Variants in ZMAT1 observed in about 807,000 individuals in gnomAD.
The protein encoded by ZMAT1 is zinc finger matrin-type 1, also known as zinc finger matrin-type protein 1.
ZMAT1 carries 11 observed loss-of-function variants against 18.5 expected under a neutral mutation model. The observed-to-expected ratio is 0.59, with a 90% CI of 0.37 to 0.98. ZMAT1 has a LOEUF of 0.98. Among genes scored for constraint, ZMAT1 ranks in the 50% least tolerant of loss-of-function variants. The pLI, the probability that ZMAT1 is intolerant of heterozygous loss-of-function variation, is 0.01. For missense variants in ZMAT1, 525 were observed against 496.2 expected (o/e 1.06, Z -0.55); for synonymous variants, 211 against 176.4 (o/e 1.20, Z -1.55).
At position 101,904,279 on chromosome X, in the gene ZMAT1, C is replaced by A. The variant is rs1426767731; in HGVS notation, c.344G>T (p.Cys115Phe). 1 of 1,208,257 alleles carries A rather than the reference C, an allele frequency of 8.3e-7. No individual in the cohort carries two copies. ...CTGTAGCATCACTCCACATACTTGACAAAACTTATCTGTAAAAAGTTCAGC... is the reference window on the plus strand; with the variant it reads ...CTGTAGCATCACTCCACATACTTGAAAAAACTTATCTGTAAAAAGTTCAGC... ...EKAELFTDKF[C>F]QVCGVMLQFE... The change falls in exon 2 of 6, where the codon TGT (cysteine) becomes TTT (phenylalanine). Residue 115 changes from cysteine to phenylalanine, a missense_variant. Transcript: ENST00000651725.
At chrX:101,913,409 A>G (rs1435510468) in intron 1 of ZMAT1, among the ~76,000 whole-genome samples, 1 of 111,610 alleles carries the variant, frequency 9.0e-6, no homozygotes, top group Non-Finnish European at 1.9e-5. Context: ...GAATGGATGA[A>G]AAAACAAGAC....
chrX:101,894,509 A>C, intron 4 of ZMAT1: 1 of 717,184 alleles, frequency 1.4e-6, no homozygotes, highest in Non-Finnish European at 1.7e-6. Context: ...TGAGGCATCC[A>C]GGTGAAGCAG....
At position 101,898,057 on chromosome X, in the gene ZMAT1, A is replaced by G. The variant is rs1927952251; in HGVS notation, c.502-15T>C. On this transcript the variant is annotated splice_polypyrimidine_tract_variant and intron_variant, in intron 3 of 5. Coordinates refer to ENST00000651725, the MANE Select transcript of ZMAT1 (RefSeq NM_001394560.1). ...TACCTATGCACCTGAAATAGGCACAATCTTGTTAGAAAGATTCAATAACTC... is the reference window on the plus strand; with the variant it reads ...TACCTATGCACCTGAAATAGGCACAGTCTTGTTAGAAAGATTCAATAACTC... 8.3e-7 allele frequency: 1 copy of G among 1,210,171 alleles called. No individual in the cohort carries two copies. Among genetic ancestry groups the G allele is most frequent in the Non-Finnish European group, 1.1e-6 (1 of 894,344 alleles).
At chrX:101,899,552 C>T (rs890855520) in intron 2 of ZMAT1, among the ~76,000 whole-genome samples, 8 of 111,831 alleles carry the variant, frequency 7.2e-5, no homozygotes, top group African/African-American at 2.0e-4. Context: ...AGAGAACATA[C>T]GATGTTTGAT....
At chrX:101,915,305 A>G (rs887872035) in intron 1 of ZMAT1, among the ~76,000 whole-genome samples, 5 of 107,363 alleles carry the variant, frequency 4.7e-5, no homozygotes, top group African/African-American at 1.4e-4. Flanking sequence ...CAAAACTGTT[A>G]TTCAGCATAG....
chrX:101,924,471 C>T (rs943390536), intron 1 of ZMAT1, among the ~76,000 whole-genome samples: 1 of 112,030 alleles, frequency 8.9e-6, no homozygotes, highest in Admixed American at 9.5e-5. Flanking sequence ...GGCATGCTCT[C>T]AAGTATGAAG....
intron 1 of ZMAT1, among the ~76,000 whole-genome samples, chrX:101,920,152 C>T (rs1255564325): frequency 9.1e-6 from 1 of 109,622 alleles, no homozygotes; most frequent in Non-Finnish European, 1.9e-5. Flanking sequence ...GATTCTCCCA[C>T]CTCAGCCTCC....
intron 4 of ZMAT1, chrX:101,895,819 G>C (rs1927760638): frequency 2.7e-6 from 2 of 749,565 alleles, no homozygotes; most frequent in Non-Finnish European, 3.1e-6. Flanking sequence ...CCCACCTGTA[G>C]GAGGCTTGAC....
chrX:101,886,809 A>G, intron 4 of ZMAT1, 78 bp from the exon 5 acceptor site: 2 of 687,596 alleles, frequency 2.9e-6, no homozygotes, highest in Non-Finnish European at 4.3e-6. Flanking sequence ...ACTGGACCAA[A>G]AATTTATTAG....
In ZMAT1 at chrX:101,920,424, G is replaced by A. The variant is rs768683658; in HGVS notation, c.292+11293C>T. ...CTTTGACTTTACATGAAACAAATTCGTCTACAATTGTCAATGCCAAATTCT... is the reference window on the plus strand; with the variant it reads ...CTTTGACTTTACATGAAACAAATTCATCTACAATTGTCAATGCCAAATTCT... On this transcript the variant is annotated intron_variant, in intron 1 of 5. Coordinates refer to ENST00000651725, the MANE Select transcript of ZMAT1 (RefSeq NM_001394560.1). Among the ~76,000 whole-genome samples the A allele has an allele frequency of 1.1e-3, 122 of 111,219 alleles. 1 individual carries two copies. Among genetic ancestry groups the A allele is most frequent in the South Asian group, 2.3e-3 (6 of 2,647 alleles).
chrX:101,918,445 T>TACACACACACACACACACAC (rs61351078), intron 1 of ZMAT1: 29 of 83,209 alleles, frequency 3.5e-4, no homozygotes, highest in Non-Finnish European at 5.1e-4. Context: ...TCTACTAAAA[T>TACACACACACACACACACAC]ACACACACAC....
chrX:101,904,177 C>T (rs376745676), intron 2 of ZMAT1, 47 bp downstream of exon 2: 53 of 957,744 alleles, frequency 5.5e-5, no homozygotes, highest in Non-Finnish European at 4.9e-5. Flanking sequence ...TTACTTGCTA[C>T]ATTTAAAAAC....
At chrX:101,886,522 A>C in intron 5 of ZMAT1, 110 bp downstream of exon 5, 3 of 491,280 alleles carry the variant, frequency 6.1e-6, no homozygotes, top group Middle Eastern at 4.0e-4. Flanking sequence ...TACCCAGGTT[A>C]AACCCATAGG....
At chrX:101,907,601 T>A (rs1378353200) in intron 1 of ZMAT1, among the ~76,000 whole-genome samples, 1 of 111,925 alleles carries the variant, frequency 8.9e-6, no homozygotes, top group African/African-American at 3.2e-5. Flanking sequence ...ATACAAACGG[T>A]CTGACAAAGA....
chrX:101,925,282 ACATTT>A (rs756768182), intron 1 of ZMAT1, among the ~76,000 whole-genome samples: 44 of 112,537 alleles, frequency 3.9e-4, no homozygotes, highest in Non-Finnish European at 7.3e-4. Context: ...GTATTTGATT[ACATTT>A]AAGTGTGGCT....
chrX:101,923,813 CTTTT>C (rs1448257430), intron 1 of ZMAT1, among the ~76,000 whole-genome samples: 1 of 111,567 alleles, frequency 9.0e-6, no homozygotes, highest in Non-Finnish European at 1.9e-5. Flanking sequence ...GGCAGATGGT[CTTTT>C]ATCTTTCAAT....
At chrX:101,907,919 GTACCTA>G (rs1238323032) in intron 1 of ZMAT1, among the ~76,000 whole-genome samples, 4 of 111,451 alleles carry the variant, frequency 3.6e-5, no homozygotes, top group African/African-American at 1.3e-4. Context: ...CAGAGCAGGA[GTACCTA>G]TACCTATACC....
intron 1 of ZMAT1, among the ~76,000 whole-genome samples, chrX:101,913,006 G>T (rs1603281670): frequency 9.0e-6 from 1 of 111,355 alleles, no homozygotes; most frequent in East Asian, 2.8e-4. Flanking sequence ...ATAAGCAATA[G>T]CAAATTCATG....
At chrX:101,897,826 G>A (rs1332729330) in intron 4 of ZMAT1, 42 bp downstream of exon 4, 1 of 1,153,234 alleles carries the variant, frequency 8.7e-7, no homozygotes, top group East Asian at 3.0e-5. Context: ...AACATGATAG[G>A]TAGATCCTGC....
Sources: allele counts gnomAD v4.1 joint callset (sites outside exome capture counted in the v4.1 genomes callset), GRCh38; gene constraint gnomAD v4.1.1; transcripts MANE v1.5; gene names NCBI Gene and HGNC (gene_info 2026-07-23, HGNC 2026-07-21).